The following PRKCA variants were observed in gnomAD, a reference collection of about 807,000 sequenced individuals.
The protein encoded by PRKCA is protein kinase C alpha type.
PRKCA carries 27 observed loss-of-function variants against 87.0 expected under a neutral mutation model. That is an observed-to-expected ratio of 0.31 (90% confidence interval 0.23 to 0.43). The LOEUF (loss-of-function observed/expected upper bound fraction) is 0.43, where lower values mean the gene tolerates loss of function less well. PRKCA is among the 20% of genes least tolerant of loss of function. PRKCA has a pLI of 1.00. For missense variants in PRKCA, 518 were observed against 852.3 expected (o/e 0.61, Z 4.88); for synonymous variants, 329 against 311.1 (o/e 1.06, Z -0.61).
At chr17:66,774,613 G>A (rs749321797) in intron 14 of PRKCA, 6 of 986,192 alleles carry the variant, frequency 6.1e-6, no homozygotes, top group African/African-American at 5.2e-5. Context: ...AGAGTGAGAC[G>A]GTCTCAAAAA....
intron 2 of PRKCA, among the ~76,000 whole-genome samples, chr17:66,311,274 A>G (rs1905074216): frequency 6.6e-6 from 1 of 152,212 alleles, no homozygotes; most frequent in African/African-American, 2.4e-5. Flanking sequence ...TGAAATGGTC[A>G]GTAATGCCTG....
At chr17:66,495,727 ATG>A (rs1054149602) in intron 2 of PRKCA, among the ~76,000 whole-genome samples, 4 of 150,404 alleles carry the variant, frequency 2.7e-5, no homozygotes, top group African/African-American at 4.9e-5. Flanking sequence ...TAATTTGTGT[ATG>A]TGTGTGTGTG....
chr17:66,693,540 C>G (rs1972835249), intron 8 of PRKCA, among the ~76,000 whole-genome samples: 1 of 152,226 alleles, frequency 6.6e-6, no homozygotes, highest in East Asian at 1.9e-4. Context: ...CAGTGATTCC[C>G]CTGAATCTCC....
chr17:66,790,814 C>T (rs1975515965), intron 16 of PRKCA, among the ~76,000 whole-genome samples: 1 of 151,916 alleles, frequency 6.6e-6, no homozygotes, highest in African/African-American at 2.4e-5. Flanking sequence ...TGTGGATACT[C>T]GGCCCTAAGC....
In PRKCA at chr17:66,302,955, A is replaced by G; in HGVS notation, c.104A>G (p.Lys35Arg). The part of the protein sequence containing the change: ...ALRQKNVHEV[K>R]DHKFIARFFK... ...AGGCAGAAGAACGTGCACGAGGTGA[A>G]GGACCACAAATTCATCGCGCGCTTC... Residue 35 changes from lysine (K) to arginine (R), a missense_variant, in exon 1 of 17, where the codon AAG (lysine) becomes AGG (arginine). By Grantham distance (26) the Lys-to-Arg change is conservative (BLOSUM62 2). Around this residue, in one of 5 missense-constraint regions of PRKCA, gnomAD observed 25 missense variants for 72.1 expected, o/e 0.35. Transcript: ENST00000413366. 6.2e-7 allele frequency: 1 copy of G among 1,612,628 alleles called. No individual in the cohort carries two copies. Among genetic ancestry groups the G allele is most frequent in the Non-Finnish European group, 8.5e-7 (1 of 1,179,284 alleles).
chr17:66,401,543 G>C (rs923948908), intron 2 of PRKCA, among the ~76,000 whole-genome samples: 7 of 152,168 alleles, frequency 4.6e-5, no homozygotes, highest in Admixed American at 1.3e-4. Flanking sequence ...TCAGTGATGT[G>C]GACGGCTTTG....
chr17:66,522,706 G>A (rs901841011), intron 3 of PRKCA, among the ~76,000 whole-genome samples: 8 of 151,952 alleles, frequency 5.3e-5, no homozygotes, highest in Non-Finnish European at 1.2e-4. Flanking sequence ...TATGTGCATA[G>A]CAGTGAAAAC....
chr17:66,471,137 C>A (rs768531121), intron 2 of PRKCA, among the ~76,000 whole-genome samples: 1 of 151,982 alleles, frequency 6.6e-6, no homozygotes, highest in Admixed American at 6.6e-5. Flanking sequence ...ATTAATTTAG[C>A]ATTTGATGAC....
chr17:66,320,884 G>A (rs1905615855), intron 2 of PRKCA, among the ~76,000 whole-genome samples: 1 of 152,134 alleles, frequency 6.6e-6, no homozygotes, highest in Admixed American at 6.5e-5. Context: ...AAGATTTAAA[G>A]CTTGACTAAA....
chr17:66,441,600 G>T (rs1251383791), intron 2 of PRKCA, among the ~76,000 whole-genome samples: 1 of 151,984 alleles, frequency 6.6e-6, no homozygotes, highest in Non-Finnish European at 1.5e-5. Context: ...GTGGTTTCTG[G>T]GCACACTGGG....
intron 13 of PRKCA, among the ~76,000 whole-genome samples, chr17:66,753,049 A>G (rs1040301167): frequency 6.6e-6 from 1 of 152,248 alleles, no homozygotes; most frequent in Non-Finnish European, 1.5e-5. Flanking sequence ...AAAATTGAGC[A>G]ACTGTTCTTG....
rs73324196 is a variant in PRKCA at position 66,381,107 on chromosome 17, G to A, written c.205+74980G>A. Reference sequence around the variant, plus strand: ...GGTGCAAGCCACCACGCCCAGCTAAGTTTTATATTTTTTTTGTAGAGCTGG... The same window carrying A: ...GGTGCAAGCCACCACGCCCAGCTAAATTTTATATTTTTTTTGTAGAGCTGG... On this transcript the variant is annotated intron_variant, in intron 2 of 16. Coordinates refer to ENST00000413366, the MANE Select transcript of PRKCA (RefSeq NM_002737.3). Among the ~76,000 whole-genome samples the A allele has an allele frequency of 2.8e-3, 421 of 151,848 alleles. 4 individuals are homozygous for A. Among genetic ancestry groups the A allele is most frequent in the African/African-American group, 9.6e-3 (397 of 41,424 alleles).
At chr17:66,683,189 T>C (rs1044458291) in intron 5 of PRKCA, among the ~76,000 whole-genome samples, 1 of 152,268 alleles carries the variant, frequency 6.6e-6, no homozygotes, top group Admixed American at 6.5e-5. Flanking sequence ...TTTACTTTTA[T>C]GGTTACCTTC....
At chr17:66,427,275 ACCCG>A (rs1424482827) in intron 2 of PRKCA, among the ~76,000 whole-genome samples, 9 of 152,088 alleles carry the variant, frequency 5.9e-5, no homozygotes, top group Admixed American at 3.9e-4. Context: ...CAGGCAATCC[ACCCG>A]CCTTGGCCTC....
chr17:66,640,852 G>A (rs769987180), intron 3 of PRKCA: 5 of 417,710 alleles, frequency 1.2e-5, no homozygotes, highest in South Asian at 1.7e-5. Flanking sequence ...GGAAACATAG[G>A]TATTCATTAT....
At chr17:66,613,425 C>T (rs1026355055) in intron 3 of PRKCA, among the ~76,000 whole-genome samples, 1 of 152,198 alleles carries the variant, frequency 6.6e-6, no homozygotes, top group Non-Finnish European at 1.5e-5. Flanking sequence ...TTTCCAGACT[C>T]CACTAGTTTC....
intron 5 of PRKCA, among the ~76,000 whole-genome samples, chr17:66,685,263 G>A (rs183708079): frequency 9.2e-5 from 14 of 152,170 alleles, no homozygotes; most frequent in East Asian, 3.9e-4. Flanking sequence ...AATTATGTCC[G>A]TCTTCATTTT....
At chr17:66,317,008 G>A (rs369349242) in intron 2 of PRKCA, among the ~76,000 whole-genome samples, 162 of 152,180 alleles carry the variant, frequency 1.1e-3, no homozygotes, top group African/African-American at 3.8e-3. Flanking sequence ...TGGGCGCGGT[G>A]GCGGGCGCCT....
intron 3 of PRKCA, among the ~76,000 whole-genome samples, chr17:66,537,664 A>G (rs1967833401): frequency 6.6e-6 from 1 of 152,224 alleles, no homozygotes; most frequent in Admixed American, 6.5e-5. Flanking sequence ...TCATCTTTGC[A>G]GTAGAAAAAT....
Sources: allele counts gnomAD v4.1 joint callset (sites outside exome capture counted in the v4.1 genomes callset), GRCh38; gene constraint gnomAD v4.1.1; regional missense constraint gnomAD v4.1.1; transcripts MANE v1.5; gene names NCBI Gene and HGNC (gene_info 2026-07-23, HGNC 2026-07-21).